STOX2: variants seen among roughly 807,000 people sequenced by gnomAD.
The protein encoded by STOX2 is storkhead-box protein 2.
A neutral mutation model predicts 60.9 loss-of-function variants in STOX2; 28 were observed. The ratio of observed to expected loss-of-function variants is 0.46; its 90% confidence interval spans 0.34 to 0.63. The LOEUF is 0.63. Ranked by LOEUF, STOX2 falls within the 30% of genes least tolerant of loss-of-function variation. STOX2 has a pLI of 0.01. For missense variants in STOX2, 1,024 were observed against 1,187.7 expected (o/e 0.86, Z 2.03); for synonymous variants, 472 against 463.9 (o/e 1.02, Z -0.22).
chr4:183,878,295 A>G (rs1435531567), intron 1 of STOX2, among the ~76,000 whole-genome samples: 1 of 152,218 alleles, frequency 6.6e-6, no homozygotes, highest in African/African-American at 2.4e-5. Flanking sequence ...GGAATAAGAA[A>G]AACTAAAATG....
chr4:183,919,958 C>T (rs6552719), intron 1 of STOX2, among the ~76,000 whole-genome samples: 41,470 of 151,940 alleles, frequency 0.27, 5,864 homozygotes, highest in East Asian at 0.39. Context: ...GTGTAAGTGT[C>T]ACCTTGTTTA....
chr4:183,808,095 T>G lies in STOX2; in HGVS notation c.364+10040T>G, dbSNP rs1013683819. Among the ~76,000 whole-genome samples the G allele has an allele frequency of 2.0e-5, 3 of 152,170 alleles. No individual in the cohort carries two copies. The East Asian group carries it at 5.8e-4, about 29-fold the overall frequency. ...CTGGACGAATCACTTTGGTTTTTCCTTTTTAAATCTCTGTTCTCTGGTCAA... is the reference window on the plus strand; with the variant it reads ...CTGGACGAATCACTTTGGTTTTTCCGTTTTAAATCTCTGTTCTCTGGTCAA... On this transcript the variant is annotated intron_variant, in intron 1 of 2. Transcript: ENST00000513034.
intron 1 of STOX2, among the ~76,000 whole-genome samples, chr4:183,943,706 G>A (rs531277058): frequency 7.2e-4 from 109 of 152,162 alleles, no homozygotes; most frequent in African/African-American, 2.6e-3. Context: ...GTGAAACCCC[G>A]TCTCTACTAA....
At chr4:183,847,330 G>A (rs1354878312) in intron 1 of STOX2, among the ~76,000 whole-genome samples, 1 of 152,130 alleles carries the variant, frequency 6.6e-6, no homozygotes, top group Non-Finnish European at 1.5e-5. Flanking sequence ...TAACTCCCTA[G>A]CCTTTCCTTT....
intron 1 of STOX2, among the ~76,000 whole-genome samples, chr4:183,933,101 G>A (rs1446671440): frequency 6.6e-6 from 1 of 152,124 alleles, no homozygotes; most frequent in Non-Finnish European, 1.5e-5. Flanking sequence ...GTTCGTATTA[G>A]CCAGTGTTTA....
intron 1 of STOX2, among the ~76,000 whole-genome samples, chr4:183,835,589 A>T (rs888296185): frequency 4.6e-5 from 7 of 152,164 alleles, no homozygotes; most frequent in Admixed American, 4.6e-4. Flanking sequence ...TATGTTAATT[A>T]ATTAATGTCT....
chr4:183,801,204 C>G (rs979978268), intron 1 of STOX2, among the ~76,000 whole-genome samples: 4 of 152,156 alleles, frequency 2.6e-5, no homozygotes, highest in African/African-American at 9.7e-5. Flanking sequence ...TGGCATCTTC[C>G]AATTCACTAC....
upstream of STOX2, among the ~76,000 whole-genome samples, chr4:183,904,788 A>G (rs1465751): frequency 0.035 from 5,292 of 152,138 alleles, 98 homozygotes; most frequent in African/African-American, 0.04. Context: ...GATAGTTGCT[A>G]CCCCCCTCAA....
chr4:184,020,341 C>T lies in STOX2; in HGVS notation c.*3057C>T, dbSNP rs957789145. 3.9e-5 allele frequency: 6 copies of T among 152,262 alleles called. No homozygotes were observed. Among genetic ancestry groups the T allele is most frequent in the East Asian group, 1.9e-4 (1 of 5,180 alleles). 9.4% of individuals were successfully genotyped at this position (152,262 alleles called of 1,614,324 possible). Reference sequence around the variant, plus strand: ...CGCACTCGATTTTGTTAGGAATGAACGGAAGTTTAAAAATTCTTGTGCCCA... The same window carrying T: ...CGCACTCGATTTTGTTAGGAATGAATGGAAGTTTAAAAATTCTTGTGCCCA... On this transcript the variant is annotated 3_prime_UTR_variant, in exon 4 of 4. Transcript: ENST00000308497.
intron 1 of STOX2, among the ~76,000 whole-genome samples, chr4:183,848,836 T>TA (rs1167798861): frequency 3.3e-5 from 5 of 152,310 alleles, no homozygotes; most frequent in Non-Finnish European, 7.4e-5. Flanking sequence ...CAAAGTAAGC[T>TA]AAAGCCTGTG....
intron 1 of STOX2, among the ~76,000 whole-genome samples, chr4:183,931,835 G>T (rs1742433783): frequency 6.6e-6 from 1 of 152,166 alleles, no homozygotes; most frequent in Admixed American, 6.5e-5. Context: ...TGAGGGTAAG[G>T]AATTTGCATG....
chr4:183,915,217 G>GA, intron 1 of STOX2, among the ~76,000 whole-genome samples: 1 of 152,328 alleles, frequency 6.6e-6, no homozygotes, highest in African/African-American at 2.4e-5. Context: ...TTATCCGTCT[G>GA]ATGGCCGTAG....
chr4:183,873,384 T>G (rs191700913), intron 1 of STOX2, among the ~76,000 whole-genome samples: 1 of 147,348 alleles, frequency 6.8e-6, no homozygotes, highest in African/African-American at 2.5e-5. Context: ...AGGCGGAGGT[T>G]GCGGTGAGCT....
intron 1 of STOX2, among the ~76,000 whole-genome samples, chr4:183,925,520 A>G (rs1253361923): frequency 2.6e-5 from 4 of 152,122 alleles, no homozygotes; most frequent in Non-Finnish European, 5.9e-5. Flanking sequence ...TTGAAGAATA[A>G]TTCCAGTTGG....
chr4:183,929,031 A>C (rs1373198313), intron 1 of STOX2, among the ~76,000 whole-genome samples: 1 of 152,224 alleles, frequency 6.6e-6, no homozygotes, highest in African/African-American at 2.4e-5. Flanking sequence ...CCGTCTCGAG[A>C]ATTCCTCAGA....
At chr4:183,908,128 G>C (rs1428475121) in intron 1 of STOX2, among the ~76,000 whole-genome samples, 1 of 152,132 alleles carries the variant, frequency 6.6e-6, no homozygotes, top group Non-Finnish European at 1.5e-5. Context: ...CGAACATAAA[G>C]CCGAAATAAA....
chr4:183,977,297 C>T (rs1579495371), intron 1 of STOX2, among the ~76,000 whole-genome samples: 1 of 152,126 alleles, frequency 6.6e-6, no homozygotes, highest in African/African-American at 2.4e-5. Context: ...TGGCTTCTTT[C>T]ACTGAGCCTA....
intron 1 of STOX2, among the ~76,000 whole-genome samples, chr4:184,000,745 G>C (rs970441017): frequency 7.2e-6 from 1 of 138,170 alleles, no homozygotes. Context: ...ATCCTTCCTC[G>C]ACTCTCAGCA....
rs370824144 is a variant in STOX2 at position 183,928,287 on chromosome 4, A to G, written c.166+21331A>G. Reference sequence around the variant, plus strand: ...TGCACCTCCCCAGAGCTGCCCACGAAATGCTTATAGCCCCCATGGTCTCCT... The same window carrying G: ...TGCACCTCCCCAGAGCTGCCCACGAGATGCTTATAGCCCCCATGGTCTCCT... On this transcript the variant is annotated intron_variant, in intron 1 of 3. Transcript: ENST00000308497. 2.2e-4 allele frequency among the ~76,000 whole-genome samples: 33 copies of G among 152,238 alleles called. No homozygotes were observed. In the South Asian group the frequency reaches 6.4e-3, roughly 30 times the overall value.
Sources: gnomAD v4.1 joint callset for allele counts (sites outside exome capture counted in the v4.1 genomes callset) on GRCh38, gnomAD v4.1.1 for gene constraint, MANE v1.5 for transcripts, NCBI Gene and HGNC (gene_info 2026-07-23, HGNC 2026-07-21) for gene names.